ADD3: variants seen among roughly 807,000 people sequenced by gnomAD.
The protein encoded by ADD3 is gamma-adducin.
Under a neutral mutation model 80.2 loss-of-function variants are expected in ADD3, and 25 were observed. That is an observed-to-expected ratio of 0.31 (90% CI 0.23 to 0.44). The LOEUF is 0.44. Ranked by LOEUF, ADD3 falls within the 20% of genes least tolerant of loss-of-function variation. The probability of loss-of-function intolerance (pLI) is 1.00; values close to 1 mark genes in which losing one functional copy is unlikely to be tolerated. For missense variants in ADD3, 829 were observed against 847.5 expected, an observed-to-expected ratio of 0.98 and a Z score of 0.27; for synonymous variants, 284 against 289.6, an observed-to-expected ratio of 0.98 and a Z score of 0.20.
upstream of ADD3, among the ~76,000 whole-genome samples, chr10:110,005,298 G>A (rs150363316): frequency 0.063 from 9,513 of 150,638 alleles, 425 homozygotes; most frequent in Non-Finnish European, 0.099. Flanking sequence ...CTGACCTCGT[G>A]ATCTACCTGC....
chr10:110,127,060 G>A (rs1448770164), intron 12 of ADD3, among the ~76,000 whole-genome samples: 1 of 152,178 alleles, frequency 6.6e-6, no homozygotes, highest in African/African-American at 2.4e-5. Flanking sequence ...TTGAAAGATG[G>A]GGATTTAGCC....
At chr10:110,037,754 G>A (rs1855831599) in intron 1 of ADD3, among the ~76,000 whole-genome samples, 1 of 151,824 alleles carries the variant, frequency 6.6e-6, no homozygotes, top group African/African-American at 2.4e-5. Flanking sequence ...TGTAAAAACA[G>A]CATAAACTCA....
At chr10:110,130,093 A>G (rs1476889124) in intron 12 of ADD3, among the ~76,000 whole-genome samples, 1 of 152,062 alleles carries the variant, frequency 6.6e-6, no homozygotes, top group Non-Finnish European at 1.5e-5. Flanking sequence ...AACTTGGCAT[A>G]ATGGTTTTTA....
intron 1 of ADD3, among the ~76,000 whole-genome samples, chr10:110,025,628 T>TA (rs1854198412): frequency 1.3e-5 from 2 of 152,330 alleles, no homozygotes; most frequent in East Asian, 3.9e-4. Flanking sequence ...GTGGAAACCT[T>TA]ACTTCATTTT....
intron 1 of ADD3, among the ~76,000 whole-genome samples, chr10:110,050,569 G>A (rs927922333): frequency 5.0e-4 from 74 of 147,528 alleles, no homozygotes; most frequent in Non-Finnish European, 1.8e-4. Flanking sequence ...CTGGAGTACA[G>A]TGGCACAATC....
chr10:110,118,749 A>G lies in ADD3; in HGVS notation c.717+13A>G. On this transcript the variant is annotated intron_variant, in intron 6 of 14. Transcript: ENST00000356080. ...TGCAACAGCAGCTGTAAGTCAATGA[A>G]AGTCCAAAACTGACAGGACGCTGGA... is the stretch of plus-strand genomic sequence containing the variant. 6.2e-7 allele frequency: 1 copy of G among 1,612,176 alleles called. No individual in the cohort carries two copies.
At chr10:110,092,631 C>T (rs1201966911) in intron 1 of ADD3, among the ~76,000 whole-genome samples, 1 of 152,142 alleles carries the variant, frequency 6.6e-6, no homozygotes, top group Non-Finnish European at 1.5e-5. Context: ...TGCTCACTTA[C>T]TTGGCTTATG....
chr10:110,086,686 A>C (rs1221385367), intron 1 of ADD3, among the ~76,000 whole-genome samples: 1 of 151,832 alleles, frequency 6.6e-6, no homozygotes, highest in Non-Finnish European at 1.5e-5. Flanking sequence ...CTTCCCCTTC[A>C]CCTTTCTGCC....
chr10:110,039,603 A>G (rs1803116856), intron 1 of ADD3, among the ~76,000 whole-genome samples: 1 of 152,244 alleles, frequency 6.6e-6, no homozygotes, highest in Admixed American at 6.5e-5. Flanking sequence ...ATACTGTATT[A>G]GTTATCTATT....
intron 10 of ADD3, 139 bp downstream of exon 10, chr10:110,124,413 G>T (rs906233570): frequency 6.0e-6 from 6 of 1,005,538 alleles, no homozygotes; most frequent in Non-Finnish European, 8.5e-6. Context: ...CTTTAACTTT[G>T]TGCAAGACAC....
intron 1 of ADD3, among the ~76,000 whole-genome samples, chr10:110,048,155 G>A (rs746102884): frequency 2.0e-4 from 30 of 152,060 alleles, no homozygotes; most frequent in Non-Finnish European, 2.8e-4. Flanking sequence ...TTCCCCTTTC[G>A]CTTGATCATT....
At chr10:110,117,227 TG>T (rs1850850297) in intron 4 of ADD3, 114 bp from the exon 5 acceptor site, 3 of 577,482 alleles carry the variant, frequency 5.2e-6, no homozygotes, top group Non-Finnish European at 9.1e-6. Context: ...TTTGCTTTGT[TG>T]GTTTTTTTTT....
chr10:110,126,975 A>C (rs1339445309), intron 12 of ADD3, among the ~76,000 whole-genome samples: 1 of 152,202 alleles, frequency 6.6e-6, no homozygotes, highest in African/African-American at 2.4e-5. Flanking sequence ...ACTAAAAGAG[A>C]AAAAACACTG....
chr10:110,128,217 T>C (rs1230985168), intron 12 of ADD3, among the ~76,000 whole-genome samples: 2 of 151,872 alleles, frequency 1.3e-5, no homozygotes, highest in Non-Finnish European at 2.9e-5. Flanking sequence ...TTAAAAGTGT[T>C]TCTTCAAGAG....
intron 8 of ADD3, 144 bp from the exon 9 acceptor site, chr10:110,121,966 A>G: frequency 5.0e-6 from 3 of 597,100 alleles, no homozygotes; most frequent in Non-Finnish European, 8.2e-6. Flanking sequence ...TGCTGGCACA[A>G]GAGTGTCATC....
At chr10:110,078,565 A>G (rs1384385154) in intron 1 of ADD3, among the ~76,000 whole-genome samples, 1 of 152,222 alleles carries the variant, frequency 6.6e-6, no homozygotes, top group Non-Finnish European at 1.5e-5. Flanking sequence ...ACCTCCTGCC[A>G]CAAGTGTTTT....
rs185483591 is a variant in ADD3 at position 110,126,395 on chromosome 10, A to G, written c.1522-22A>G. 6.5e-5 allele frequency: 104 copies of G among 1,593,064 alleles called. No individual in the cohort carries two copies. In the African/African-American group the frequency reaches 1.1e-3, roughly 17 times the overall value. ...GCATAGTTGCCCTCAAGAACTTTATATTGAATTGTTTTTCAATTCAGATTC... is the reference window on the plus strand; with the variant it reads ...GCATAGTTGCCCTCAAGAACTTTATGTTGAATTGTTTTTCAATTCAGATTC... On this transcript the variant is annotated intron_variant, in intron 11 of 14. Transcript: ENST00000356080.
intron 1 of ADD3, among the ~76,000 whole-genome samples, chr10:110,066,564 G>A (rs116466863): frequency 0.02 from 3,009 of 152,146 alleles, 111 homozygotes; most frequent in African/African-American, 0.069. Flanking sequence ...TCTCTGTTAA[G>A]GGATAGATTT....
At chr10:110,073,138 C>CTTTTTTTTTTTTTTTTTT (rs1189793476) in intron 1 of ADD3, among the ~76,000 whole-genome samples, 1 of 94,254 alleles carries the variant, frequency 1.1e-5, no homozygotes, top group Non-Finnish European at 2.1e-5. Flanking sequence ...TTTTAGTTTT[C>CTTTTTTTTTTTTTTTTTT]TTTTTTTTTT....
Sources: allele counts gnomAD v4.1 joint callset (sites outside exome capture counted in the v4.1 genomes callset), GRCh38; gene constraint gnomAD v4.1.1; transcripts MANE v1.5; gene names NCBI Gene and HGNC (gene_info 2026-07-23, HGNC 2026-07-21).